Variants in DCLK2 observed in about 807,000 individuals in gnomAD.
DCLK2 encodes doublecortin like kinase 2.
A neutral mutation model predicts 78.4 loss-of-function variants in DCLK2; 31 were observed. That is an observed-to-expected ratio of 0.40 (90% CI 0.30 to 0.53). The LOEUF is 0.53. DCLK2 is among the 20% of genes least tolerant of loss of function. The pLI, the probability that DCLK2 is intolerant of heterozygous loss-of-function variation, is 0.61. For synonymous variants in DCLK2, 407 were observed against 374.9 expected, an observed-to-expected ratio of 1.09 and a Z score of -0.99; for missense variants, 872 against 973.7, an observed-to-expected ratio of 0.90 and a Z score of 1.39.
intron 3 of DCLK2, among the ~76,000 whole-genome samples, chr4:150,196,586 C>T (rs1223889895): frequency 1.3e-5 from 2 of 151,848 alleles, no homozygotes; most frequent in African/African-American, 2.4e-5. Flanking sequence ...GAGTAAACTA[C>T]TACAGACAGT....
rs150185095 is a variant in DCLK2 at position 150,256,139 on chromosome 4, T to C, written c.2193T>C (p.Pro731=). 1,162 of 1,609,874 alleles carry C rather than the reference T, an allele frequency of 7.2e-4. 2 individuals carry two copies. Among genetic ancestry groups the C allele is most frequent in the Middle Eastern group, 1.9e-3 (11 of 5,684 alleles). Residue 731 remains proline, a synonymous_variant, in exon 16 of 16, where the codon CCT becomes CCC. Coordinates refer to ENST00000296550, the MANE Select transcript of DCLK2 (RefSeq NM_001040260.4). ...CCTCAGTGGAGGAGATCCCTGTGCC[T>C]GGGGAAGCAGTCCCGGCCCCCACCC... ...VPPSVEEIPV[P]GEAVPAPTPP...
In DCLK2 at chr4:150,102,753, G is replaced by A. The variant is rs758885073; in HGVS notation, c.697G>A (p.Glu233Lys). 6.8e-6 allele frequency: 11 copies of A among 1,613,896 alleles called. No homozygotes were observed. Among genetic ancestry groups the A allele is most frequent in the African/African-American group, 2.7e-5 (2 of 74,922 alleles). ...SFEQVLTDIT[E>K]AIKLDSGVVK... ...TGAACAAGTCTTAACAGATATCACC[G>A]AAGCCATTAAACTAGACTCAGGAGT... The change falls in exon 2 of 16, where the codon GAA becomes AAA. Residue 233 changes from glutamate (E) to lysine (K), a missense_variant. By Grantham distance (56) the Glu-to-Lys change is moderately conservative. This residue lies in a region of DCLK2 where 567 missense variants were observed against 593.4 expected (regional missense o/e 0.96). Coordinates refer to ENST00000296550, the MANE Select transcript of DCLK2 (RefSeq NM_001040260.4).
At chr4:150,240,700 G>C (rs1450819854) in intron 12 of DCLK2, among the ~76,000 whole-genome samples, 1 of 142,974 alleles carries the variant, frequency 7.0e-6, no homozygotes, top group African/African-American at 2.6e-5. Flanking sequence ...GTATACATAT[G>C]TAACTAACCT....
intron 10 of DCLK2, among the ~76,000 whole-genome samples, chr4:150,237,629 G>A (rs1742606738): frequency 1.3e-5 from 2 of 152,130 alleles, no homozygotes; most frequent in Admixed American, 6.5e-5. Flanking sequence ...ACTGGCCTGG[G>A]AGAGCCCTGC....
intron 1 of DCLK2, among the ~76,000 whole-genome samples, chr4:150,082,305 T>C (rs1729355829): frequency 6.6e-6 from 1 of 152,200 alleles, no homozygotes; most frequent in Non-Finnish European, 1.5e-5. Context: ...CCCATGAAAC[T>C]TGTAGTTTAA....
Position 150,243,059 on chromosome 4 carries a change from A to C in DCLK2, c.1778+2583A>C, listed in dbSNP as rs898338004. Among the ~76,000 whole-genome samples, 16 of 151,658 alleles carry C rather than the reference A, an allele frequency of 1.1e-4. No homozygotes were observed. In the East Asian group the frequency reaches 1.9e-3, roughly 18 times the overall value. ...AGTTTGAGCGGACTGTGTGCTCACA[A>C]CTCCCTCTAGTGTTTGCAGTTGCTG... On this transcript the variant is annotated intron_variant, in intron 12 of 15. Transcript: ENST00000296550.
intron 3 of DCLK2, among the ~76,000 whole-genome samples, chr4:150,195,940 A>G (rs559995644): frequency 1.3e-5 from 2 of 152,132 alleles, no homozygotes; most frequent in African/African-American, 2.4e-5. Flanking sequence ...GTCCACTGCT[A>G]TCTTTGTTGT....
At chr4:150,183,045 C>A (rs1737644395) in intron 2 of DCLK2, among the ~76,000 whole-genome samples, 2 of 152,080 alleles carry the variant, frequency 1.3e-5, no homozygotes, top group Admixed American at 6.6e-5. Context: ...CTGATCTATT[C>A]TATACTCCTG....
intron 13 of DCLK2, 85 bp downstream of exon 13, chr4:150,247,784 G>A: frequency 9.5e-7 from 1 of 1,057,102 alleles, no homozygotes; most frequent in Non-Finnish European, 1.4e-6. Flanking sequence ...GCTAGGTATT[G>A]CATTCCAGAA....
rs534159672 is a variant in DCLK2, at chr4:150,132,073, C to A, written c.756+29261C>A. Among the ~76,000 whole-genome samples, 13 of 152,068 alleles carry A rather than the reference C, an allele frequency of 8.5e-5. No homozygotes were observed. The South Asian group carries it at 2.7e-3, about 31-fold the overall frequency. The stretch of plus-strand genomic sequence containing the variant: ...GAGGATAAGCTGTGGTATCCTTGTG[C>A]TCTCTTGAGGTCTTGTGAGGCATAG... On this transcript the variant is annotated intron_variant, in intron 2 of 15. Transcript: ENST00000296550.
At chr4:150,093,096 A>C (rs1730206519) in intron 1 of DCLK2, among the ~76,000 whole-genome samples, 1 of 152,250 alleles carries the variant, frequency 6.6e-6, no homozygotes, top group South Asian at 2.1e-4. Flanking sequence ...TAGGATACAA[A>C]ATCATCATAC....
At chr4:150,085,017 C>T (rs191688770) in intron 1 of DCLK2, among the ~76,000 whole-genome samples, 350 of 152,160 alleles carry the variant, frequency 2.3e-3, no homozygotes, top group African/African-American at 7.9e-3. Context: ...TTCATCTAAC[C>T]CTTGTAATAC....
At chr4:150,084,774 T>C (rs1490918470) in intron 1 of DCLK2, among the ~76,000 whole-genome samples, 3 of 152,198 alleles carry the variant, frequency 2.0e-5, no homozygotes, top group African/African-American at 7.2e-5. Context: ...ATCATCTAAC[T>C]GCTTTCTTCA....
intron 10 of DCLK2, among the ~76,000 whole-genome samples, chr4:150,236,116 T>G (rs1033476908): frequency 6.6e-6 from 1 of 152,254 alleles, no homozygotes; most frequent in African/African-American, 2.4e-5. Context: ...GTGTTCATTT[T>G]GTATGTGGGA....
At chr4:150,107,226 A>G (rs182227103) in intron 2 of DCLK2, among the ~76,000 whole-genome samples, 1 of 152,302 alleles carries the variant, frequency 6.6e-6, no homozygotes, top group African/African-American at 2.4e-5. Flanking sequence ...TGCTTGTTTG[A>G]ATAAATATTA....
chr4:150,213,963 T>C (rs1051391513), intron 5 of DCLK2, among the ~76,000 whole-genome samples: 1 of 152,228 alleles, frequency 6.6e-6, no homozygotes, highest in East Asian at 1.9e-4. Flanking sequence ...GGGCAAGTTA[T>C]ATAACCTCTC....
chr4:150,096,849 A>G (rs997601622), intron 1 of DCLK2, among the ~76,000 whole-genome samples: 4 of 152,218 alleles, frequency 2.6e-5, no homozygotes, highest in African/African-American at 9.6e-5. Flanking sequence ...GGAAAAACAG[A>G]TGAGGACTGG....
intron 2 of DCLK2, among the ~76,000 whole-genome samples, chr4:150,159,030 G>A (rs977890870): frequency 2.6e-5 from 4 of 152,166 alleles, no homozygotes; most frequent in African/African-American, 9.6e-5. Flanking sequence ...GCCAGTTTCT[G>A]AAGGATGTTG....
chr4:150,196,310 A>T (rs555853639), intron 3 of DCLK2, among the ~76,000 whole-genome samples: 1 of 152,226 alleles, frequency 6.6e-6, no homozygotes, highest in Non-Finnish European at 1.5e-5. Flanking sequence ...TCCTGCTCAT[A>T]TAAAAGAGTA....
Sources: allele counts gnomAD v4.1 joint callset (sites outside exome capture counted in the v4.1 genomes callset), GRCh38; gene constraint gnomAD v4.1.1; regional missense constraint gnomAD v4.1.1; transcripts MANE v1.5; gene names NCBI Gene and HGNC (gene_info 2026-07-23, HGNC 2026-07-21).